The following KAZN variants were observed in gnomAD, a reference collection of about 807,000 sequenced individuals.
KAZN encodes kazrin, periplakin interacting protein, also known as kazrin.
In KAZN, 40 loss-of-function variants were observed where a neutral mutation model predicts 87.4. The ratio of observed to expected loss-of-function variants is 0.46; its 90% CI spans 0.36 to 0.60. KAZN has a LOEUF of 0.60. Ranked by LOEUF, KAZN falls within the 20% of genes least tolerant of loss-of-function variation. The probability of loss-of-function intolerance (pLI) is 0.00; values close to 1 mark genes in which losing one functional copy is unlikely to be tolerated. For synonymous variants in KAZN, 466 were observed against 458.3 expected (o/e 1.02, Z -0.22); for missense variants, 898 against 1,073.9 (o/e 0.84, Z 2.29).
chr1:14,180,153 C>T (rs973860514), intron 1 of KAZN, among the ~76,000 whole-genome samples: 3 of 151,772 alleles, frequency 2.0e-5, no homozygotes, highest in Non-Finnish European at 2.9e-5. Context: ...GTTTCTGCAA[C>T]AGGACTAGAT....
chr1:14,373,028 A>G (rs966633451), intron 2 of KAZN, among the ~76,000 whole-genome samples: 4 of 152,150 alleles, frequency 2.6e-5, no homozygotes, highest in Non-Finnish European at 5.9e-5. Context: ...TTTCAGCTAC[A>G]GCCTGTAGGA....
At chr1:14,020,140 G>T (rs968894785) in intron 1 of KAZN, among the ~76,000 whole-genome samples, 5 of 152,064 alleles carry the variant, frequency 3.3e-5, no homozygotes, top group African/African-American at 1.2e-4. Context: ...TTGCACTTCT[G>T]TGATAACCTA....
intron 1 of KAZN, among the ~76,000 whole-genome samples, chr1:14,816,842 T>C (rs538576361): frequency 2.0e-5 from 3 of 152,302 alleles, no homozygotes; most frequent in Admixed American, 6.5e-5. Flanking sequence ...AGATGATTGA[T>C]AGACAGATAG....
chr1:14,460,534 C>A (rs1317907454), intron 2 of KAZN, among the ~76,000 whole-genome samples: 1 of 152,220 alleles, frequency 6.6e-6, no homozygotes, highest in Non-Finnish European at 1.5e-5. Flanking sequence ...TTTCCCCAGG[C>A]ATGTCTGTGA....
intron 1 of KAZN, among the ~76,000 whole-genome samples, chr1:14,693,716 T>G (rs1463349807): frequency 1.3e-5 from 2 of 152,238 alleles, no homozygotes; most frequent in Non-Finnish European, 2.9e-5. Context: ...GTTGCTTTAG[T>G]TTCAGAGGCA....
In KAZN at chr1:14,135,013, A is replaced by ACACACACACACACACG. The variant is rs773956027; in HGVS notation, c.92-45422_92-45421insCACACACACACACACG. 1.9e-3 allele frequency among the ~76,000 whole-genome samples: 146 copies of ACACACACACACACACG among 77,156 alleles called. 2 individuals carry two copies. The East Asian group carries it at 0.062, about 33-fold the overall frequency. The allele number at this position is 77,156 out of a possible 152,430, so 50.6% of individuals were successfully genotyped here. On this transcript the variant is annotated intron_variant, in intron 1 of 16. Coordinates refer to the KAZN transcript ENST00000636203. ...CACACACACACACACATGTGCACAC[A>ACACACACACACACACG]TGCACACATACACTCACACATTCAC...
At chr1:14,114,181 G>A (rs1393612752) in intron 1 of KAZN, among the ~76,000 whole-genome samples, 38 of 152,164 alleles carry the variant, frequency 2.5e-4, no homozygotes, top group Non-Finnish European at 7.3e-5. Flanking sequence ...TCAGTGCCTG[G>A]TTCTTCAGGG....
At chr1:14,945,051 C>T (rs1345493547) in intron 1 of KAZN, among the ~76,000 whole-genome samples, 1 of 152,238 alleles carries the variant, frequency 6.6e-6, no homozygotes, top group African/African-American at 2.4e-5. Flanking sequence ...TCATGGCCCA[C>T]AGCTCCCTAG....
At chr1:14,181,507 G>A (rs991215077) in intron 2 of KAZN, among the ~76,000 whole-genome samples, 1 of 152,192 alleles carries the variant, frequency 6.6e-6, no homozygotes, top group Admixed American at 6.5e-5. Flanking sequence ...CGAAGCCCGG[G>A]TCTTGTACCA....
At chr1:14,741,266 C>CCCCAGCA (rs1644090967) in intron 1 of KAZN, among the ~76,000 whole-genome samples, 1 of 152,234 alleles carries the variant, frequency 6.6e-6, no homozygotes, top group Non-Finnish European at 1.5e-5. Context: ...ATCTTTGCCT[C>CCCCAGCA]CCCAGCACCC....
intron 1 of KAZN, among the ~76,000 whole-genome samples, chr1:14,714,872 G>A (rs998288902): frequency 2.9e-5 from 4 of 136,822 alleles, no homozygotes; most frequent in African/African-American, 8.4e-5. Context: ...ACAGTTCACC[G>A]CAGCCTTGAC....
At chr1:13,936,909 G>A (rs552883171) in intron 1 of KAZN, among the ~76,000 whole-genome samples, 1 of 152,312 alleles carries the variant, frequency 6.6e-6, no homozygotes, top group East Asian at 1.9e-4. Flanking sequence ...AACTGTGCAA[G>A]ATGGTATCTC....
intron 1 of KAZN, among the ~76,000 whole-genome samples, chr1:14,816,922 A>C (rs1372141198): frequency 6.6e-6 from 1 of 152,202 alleles, no homozygotes; most frequent in Non-Finnish European, 1.5e-5. Context: ...GATCAAAAGA[A>C]TTCTGCCTAT....
At chr1:14,747,965 G>C (rs1405645783) in intron 1 of KAZN, among the ~76,000 whole-genome samples, 1 of 152,168 alleles carries the variant, frequency 6.6e-6, no homozygotes, top group Non-Finnish European at 1.5e-5. Flanking sequence ...TTTCCAGCTT[G>C]ATCATTTCCC....
At chr1:14,136,997 G>A (rs974945136) in intron 1 of KAZN, among the ~76,000 whole-genome samples, 2 of 152,186 alleles carry the variant, frequency 1.3e-5, no homozygotes, top group African/African-American at 4.8e-5. Flanking sequence ...ACTGCTTTTA[G>A]GGTTATGAAG....
intron 1 of KAZN, among the ~76,000 whole-genome samples, chr1:14,093,457 A>T (rs989788484): frequency 6.6e-6 from 1 of 152,214 alleles, no homozygotes; most frequent in Non-Finnish European, 1.5e-5. Flanking sequence ...TTTTTAATAG[A>T]ATATGCTAAA....
At chr1:14,505,966 T>C (rs1193001462) in intron 2 of KAZN, among the ~76,000 whole-genome samples, 1 of 151,956 alleles carries the variant, frequency 6.6e-6, no homozygotes. Flanking sequence ...AGAGCAAGAC[T>C]CCATCTCAAA....
chr1:14,987,579 C>T (rs866429305), intron 2 of KAZN, among the ~76,000 whole-genome samples: 9 of 152,078 alleles, frequency 5.9e-5, no homozygotes, highest in Admixed American at 6.6e-5. Flanking sequence ...AGGGGAGGAA[C>T]CTGCCAGGCA....
intron 1 of KAZN, among the ~76,000 whole-genome samples, chr1:14,147,686 C>A (rs111395799): frequency 6.6e-6 from 1 of 151,862 alleles, no homozygotes; most frequent in Non-Finnish European, 1.5e-5. Context: ...GTCCCAGCTA[C>A]TCGGCAGGCT....
Sources: allele counts gnomAD v4.1 joint callset (sites outside exome capture counted in the v4.1 genomes callset), GRCh38; gene constraint gnomAD v4.1.1; transcripts MANE v1.5; gene names NCBI Gene and HGNC (gene_info 2026-07-23, HGNC 2026-07-21).